The following CARMIL1 variants were observed in gnomAD, a reference collection of about 807,000 sequenced individuals.
CARMIL1 encodes capping protein regulator and myosin 1 linker 1, also known as F-actin-uncapping protein LRRC16A.
A neutral mutation model predicts 177.1 loss-of-function variants in CARMIL1; 90 were observed. The ratio of observed to expected loss-of-function variants is 0.51; its 90% confidence interval spans 0.43 to 0.61. The LOEUF (loss-of-function observed/expected upper bound fraction) is 0.61, where lower values mean the gene tolerates loss of function less well. CARMIL1 is among the 20% of genes least tolerant of loss of function. The probability of loss-of-function intolerance (pLI) is 0.00; values close to 1 mark genes in which losing one functional copy is unlikely to be tolerated. For missense variants in CARMIL1, 1,380 were observed against 1,667.0 expected (o/e 0.83, Z 3.00); for synonymous variants, 577 against 606.2 (o/e 0.95, Z 0.71).
chr6:25,500,413 A>G (rs949318680), intron 17 of CARMIL1, among the ~76,000 whole-genome samples, 178 bp downstream of exon 17: 1 of 152,234 alleles, frequency 6.6e-6, no homozygotes, highest in Non-Finnish European at 1.5e-5. Flanking sequence ...GCCACAGAAC[A>G]TCATTTAGAA....
chr6:25,307,881 G>C (rs1427679865), intron 2 of CARMIL1, among the ~76,000 whole-genome samples: 1 of 136,770 alleles, frequency 7.3e-6, no homozygotes, highest in Non-Finnish European at 1.6e-5. Context: ...TTGGTTATTG[G>C]TTTTGCTTTT....
In CARMIL1 at chr6:25,412,120, C is replaced by G. The variant is rs566782849; in HGVS notation, c.139-7994C>G. Among the ~76,000 whole-genome samples the G allele has an allele frequency of 1.1e-4, 16 of 152,320 alleles. No individual in the cohort carries two copies. In the East Asian group the frequency reaches 2.9e-3, roughly 28 times the overall value. ...GGATAACTCTCTTCTTGGTTTACTA[C>G]TATTATAGACCTAAAATTTTATTAT... On this transcript the variant is annotated intron_variant, in intron 2 of 36. Coordinates refer to ENST00000329474, the MANE Select transcript of CARMIL1 (RefSeq NM_017640.6).
At chr6:25,445,457 G>A (rs1159227550) in intron 5 of CARMIL1, among the ~76,000 whole-genome samples, 5 of 151,918 alleles carry the variant, frequency 3.3e-5, no homozygotes, top group Admixed American at 3.3e-4. Context: ...TTTTTCTGAA[G>A]GTTTTCAATT....
chr6:25,396,170 T>C (rs183218257), intron 2 of CARMIL1, among the ~76,000 whole-genome samples: 4,031 of 30,508 alleles, frequency 0.13, 148 homozygotes, highest in African/African-American at 0.36. Context: ...ATTATTCTGC[T>C]TTTTTTTTTT....
chr6:25,459,282 A>ATTT (rs1357546433), intron 8 of CARMIL1, among the ~76,000 whole-genome samples: 2 of 18,258 alleles, frequency 1.1e-4, no homozygotes, highest in Admixed American at 7.0e-4. Flanking sequence ...TTTTTTTTTA[A>ATTT]GACAGGGTCT....
intron 20 of CARMIL1, among the ~76,000 whole-genome samples, chr6:25,511,335 A>G (rs901569893): frequency 2.0e-5 from 3 of 152,218 alleles, no homozygotes; most frequent in Non-Finnish European, 2.9e-5. Context: ...GTCCTTGAAA[A>G]TGGATTAGGA....
chr6:25,333,268 G>T (rs1429675982), intron 2 of CARMIL1, among the ~76,000 whole-genome samples: 2 of 152,180 alleles, frequency 1.3e-5, no homozygotes, highest in Non-Finnish European at 2.9e-5. Context: ...ATGAGCCTTT[G>T]TAATGAATAT....
At chr6:25,325,435 T>C (rs1025794213) in intron 2 of CARMIL1, among the ~76,000 whole-genome samples, 6 of 152,208 alleles carry the variant, frequency 3.9e-5, no homozygotes, top group Non-Finnish European at 7.3e-5. Flanking sequence ...AGGGTTTTGC[T>C]GTGGGTCTGT....
intron 17 of CARMIL1, 146 bp downstream of exon 17, chr6:25,500,381 T>A: frequency 1.4e-6 from 1 of 698,812 alleles, no homozygotes; most frequent in Non-Finnish European, 2.4e-6. Flanking sequence ...GTTCTGTATT[T>A]TGCAAGTTTC....
intron 29 of CARMIL1, among the ~76,000 whole-genome samples, chr6:25,574,921 A>G (rs1018083077): frequency 6.6e-6 from 1 of 152,182 alleles, no homozygotes; most frequent in African/African-American, 2.4e-5. Flanking sequence ...GAATAGAAGA[A>G]TTTTAAAAAT....
chr6:25,371,268 C>T (rs1790402046), intron 2 of CARMIL1, among the ~76,000 whole-genome samples: 1 of 152,102 alleles, frequency 6.6e-6, no homozygotes, highest in African/African-American at 2.4e-5. Flanking sequence ...TTAGTAGTTG[C>T]CCAGTAGTGA....
intron 5 of CARMIL1, among the ~76,000 whole-genome samples, chr6:25,439,385 T>A (rs1445622440): frequency 1.3e-5 from 2 of 152,162 alleles, no homozygotes; most frequent in African/African-American, 4.8e-5. Context: ...CAAGATGGTC[T>A]TCACTGCATG....
intron 8 of CARMIL1, chr6:25,452,294 T>G (rs1799046739): frequency 1.3e-6 from 1 of 751,232 alleles, no homozygotes; most frequent in African/African-American, 1.7e-5. Context: ...TACTTTCAAA[T>G]TTAGACAAGA....
At chr6:25,316,763 G>C (rs1290395041) in intron 2 of CARMIL1, among the ~76,000 whole-genome samples, 1 of 151,694 alleles carries the variant, frequency 6.6e-6, no homozygotes, top group Non-Finnish European at 1.5e-5. Context: ...AAGAGGGAAA[G>C]AGAAGAACAA....
intron 5 of CARMIL1, among the ~76,000 whole-genome samples, chr6:25,436,201 T>C (rs1326214675): frequency 6.6e-6 from 1 of 151,706 alleles, no homozygotes; most frequent in Non-Finnish European, 1.5e-5. Context: ...AGTTGGGGAG[T>C]GTGTGGGTTG....
At chr6:25,335,462 T>G (rs930591770) in intron 2 of CARMIL1, among the ~76,000 whole-genome samples, 2 of 152,272 alleles carry the variant, frequency 1.3e-5, no homozygotes, top group African/African-American at 4.8e-5. Context: ...AATGTATATT[T>G]AAAAAGATAT....
At chr6:25,387,347 A>G (rs892720929) in intron 2 of CARMIL1, among the ~76,000 whole-genome samples, 1 of 152,226 alleles carries the variant, frequency 6.6e-6, no homozygotes, top group East Asian at 1.9e-4. Flanking sequence ...AGTTCCCCAG[A>G]TAATAGGCTG....
At chr6:25,372,041 G>C (rs888085940) in intron 2 of CARMIL1, among the ~76,000 whole-genome samples, 1 of 152,086 alleles carries the variant, frequency 6.6e-6, no homozygotes. Context: ...TGTATACTTT[G>C]TCAAAGATCA....
intron 29 of CARMIL1, among the ~76,000 whole-genome samples, chr6:25,566,544 A>G (rs778164911): frequency 6.6e-6 from 1 of 152,228 alleles, no homozygotes; most frequent in Non-Finnish European, 1.5e-5. Flanking sequence ...CCTCTGAGCC[A>G]AAGAAGCCTT....
Sources: gnomAD v4.1 joint callset for allele counts (sites outside exome capture counted in the v4.1 genomes callset) on GRCh38, gnomAD v4.1.1 for gene constraint, MANE v1.5 for transcripts, NCBI Gene and HGNC (gene_info 2026-07-23, HGNC 2026-07-21) for gene names.